The following COMMD10 variants were observed in gnomAD, a reference collection of about 807,000 sequenced individuals.
COMMD10 encodes COMM domain-containing protein 10.
A neutral mutation model predicts 28.9 loss-of-function variants in COMMD10; 33 were observed. The ratio of observed to expected loss-of-function variants is 1.14; its 90% confidence interval spans 0.87 to 1.53. The LOEUF (loss-of-function observed/expected upper bound fraction) is 1.53, where lower values mean the gene tolerates loss of function less well. COMMD10 is among the 40% of genes most tolerant of loss of function. COMMD10 has a pLI of 0.00. For missense variants in COMMD10, 310 were observed against 233.4 expected (o/e 1.33, Z -2.14); for synonymous variants, 110 against 81.7 (o/e 1.35, Z -1.87).
chr5:116,255,658 G>T (rs1407529768), intron 5 of COMMD10: 1 of 151,472 alleles, frequency 6.6e-6, no homozygotes, highest in Non-Finnish European at 1.5e-5. Context: ...TATCATTTTA[G>T]TTTGAATTTA....
chr5:116,254,997 A>G (rs1186252511), intron 5 of COMMD10, among the ~76,000 whole-genome samples: 1 of 151,486 alleles, frequency 6.6e-6, no homozygotes, highest in African/African-American at 2.4e-5. Flanking sequence ...TTGGGTGCAT[A>G]TATATTTAGG....
chr5:116,138,080 G>A (rs1458473074), intron 5 of COMMD10, among the ~76,000 whole-genome samples: 1 of 151,844 alleles, frequency 6.6e-6, no homozygotes, highest in African/African-American at 2.4e-5. Context: ...TGAAGGAAAT[G>A]CTAAGTGTTT....
chr5:116,285,113 A>G (rs1268418236), intron 5 of COMMD10, among the ~76,000 whole-genome samples: 2 of 151,998 alleles, frequency 1.3e-5, no homozygotes, highest in South Asian at 4.1e-4. Context: ...CTAAAAATGC[A>G]ATGACTCCAG....
chr5:116,197,065 C>T (rs1748542849), intron 5 of COMMD10, among the ~76,000 whole-genome samples: 1 of 151,576 alleles, frequency 6.6e-6, no homozygotes, highest in African/African-American at 2.4e-5. Context: ...TTTAGTGTTT[C>T]TGTCCGTTAA....
chr5:116,120,418 G>A (rs950503503), intron 4 of COMMD10, among the ~76,000 whole-genome samples: 1 of 151,884 alleles, frequency 6.6e-6, no homozygotes, highest in East Asian at 1.9e-4. Flanking sequence ...CTTCGGTGAC[G>A]GTTGCACTAA....
chr5:116,197,637 C>A (rs534946680), intron 5 of COMMD10, among the ~76,000 whole-genome samples: 72 of 152,260 alleles, frequency 4.7e-4, no homozygotes, highest in African/African-American at 1.6e-3. Flanking sequence ...CCCCCTCGGC[C>A]TCCCTACGTT....
At chr5:116,106,601 A>G (rs1285364671) in intron 4 of COMMD10, among the ~76,000 whole-genome samples, 1 of 152,060 alleles carries the variant, frequency 6.6e-6, no homozygotes, top group Non-Finnish European at 1.5e-5. Context: ...GTCTCTCACT[A>G]TTATTGTGTG....
chr5:116,225,749 G>A (rs1301192599), intron 5 of COMMD10, among the ~76,000 whole-genome samples: 1 of 151,820 alleles, frequency 6.6e-6, no homozygotes, highest in Non-Finnish European at 1.5e-5. Flanking sequence ...TACCACTCAA[G>A]CTGTAAATGA....
At chr5:116,291,491 C>G (rs772547727) in intron 5 of COMMD10, 26 bp from the exon 6 acceptor site, 10 of 1,536,484 alleles carry the variant, frequency 6.5e-6, no homozygotes, top group Admixed American at 3.5e-5. Context: ...CAACTACATT[C>G]TTTTTGTTGT....
chr5:116,085,273 G>A (rs533890932), intron 1 of COMMD10, 180 bp downstream of exon 1: 1 of 620,390 alleles, frequency 1.6e-6, no homozygotes, highest in Non-Finnish European at 2.8e-6. Flanking sequence ...GGGCCGTGTA[G>A]CGCCTCTACA....
intron 5 of COMMD10, among the ~76,000 whole-genome samples, chr5:116,222,400 C>A (rs1363920468): frequency 6.6e-6 from 1 of 152,094 alleles, no homozygotes; most frequent in African/African-American, 2.4e-5. Context: ...TTCTGGTCAA[C>A]AATTATAGTT....
chr5:116,193,065 C>T (rs1266055019), intron 5 of COMMD10, among the ~76,000 whole-genome samples: 2 of 152,178 alleles, frequency 1.3e-5, no homozygotes, highest in Non-Finnish European at 2.9e-5. Context: ...CGAAGCTAAG[C>T]ATCATATATA....
chr5:116,212,916 T>G (rs1749005433), intron 5 of COMMD10, among the ~76,000 whole-genome samples: 1 of 152,114 alleles, frequency 6.6e-6, no homozygotes, highest in Non-Finnish European at 1.5e-5. Flanking sequence ...TGGGTCAGTA[T>G]TTTCAGGTAT....
Position 116,134,175 on chromosome 5 carries a change from A to T in COMMD10, c.507A>T (p.Ser169=), listed in dbSNP as rs574590402. The change falls in exon 5 of 7, where the codon TCA becomes TCT. Residue 169 remains serine (S), a synonymous_variant. Transcript: ENST00000274458. The stretch of plus-strand genomic sequence containing the variant: ...AACTCGGAGTGAACAATGAAGATTC[A>T]AAGGTAAGAAATGGTATCCCATTAA... ...VLQLGVNNED[S]KSLEKVLVEF... 1.3e-5 allele frequency: 21 copies of T among 1,557,412 alleles called. No homozygotes were observed. The South Asian group carries it at 2.3e-4, about 17-fold the overall frequency.
At chr5:116,282,316 G>A (rs1281851286) in intron 5 of COMMD10, among the ~76,000 whole-genome samples, 2 of 151,766 alleles carry the variant, frequency 1.3e-5, no homozygotes, top group Non-Finnish European at 1.5e-5. Context: ...CATCACATTT[G>A]ATCAAGCCAC....
At chr5:116,267,211 C>T (rs1750610872) in intron 5 of COMMD10, among the ~76,000 whole-genome samples, 1 of 151,856 alleles carries the variant, frequency 6.6e-6, no homozygotes, top group Admixed American at 6.6e-5. Context: ...TTGTCTCCAG[C>T]CCAAAATCTC....
intron 4 of COMMD10, among the ~76,000 whole-genome samples, chr5:116,117,053 G>C (rs756893141): frequency 6.6e-6 from 1 of 151,976 alleles, no homozygotes; most frequent in Non-Finnish European, 1.5e-5. Context: ...ATATGTATTT[G>C]ACTGTCACTC....
At chr5:116,236,124 C>A (rs773613479) in intron 5 of COMMD10, among the ~76,000 whole-genome samples, 9 of 151,786 alleles carry the variant, frequency 5.9e-5, no homozygotes, top group Non-Finnish European at 1.3e-4. Flanking sequence ...ATGTAGATAA[C>A]CTTGGGTATG....
intron 5 of COMMD10, among the ~76,000 whole-genome samples, chr5:116,215,748 T>G (rs1450643808): frequency 6.8e-6 from 1 of 147,346 alleles, no homozygotes; most frequent in Non-Finnish European, 1.5e-5. Context: ...ATAATTCATA[T>G]AAATATAGTA....
Sources: allele counts gnomAD v4.1 joint callset (sites outside exome capture counted in the v4.1 genomes callset), GRCh38; gene constraint gnomAD v4.1.1; transcripts MANE v1.5; gene names NCBI Gene and HGNC (gene_info 2026-07-23, HGNC 2026-07-21).